The following DCC variants were observed in gnomAD, a reference collection of about 807,000 sequenced individuals.
DCC encodes DCC netrin 1 receptor, also known as netrin receptor DCC.
A neutral mutation model predicts 172.5 loss-of-function variants in DCC; 58 were observed. The observed-to-expected ratio is 0.34, with a 90% CI of 0.27 to 0.42. DCC has a LOEUF of 0.42. DCC is among the 10% of genes least tolerant of loss of function. The probability of loss-of-function intolerance (pLI) is 1.00; values close to 1 mark genes in which losing one functional copy is unlikely to be tolerated. For missense variants in DCC, 1,740 were observed against 1,791.0 expected (o/e 0.97, Z 0.51); for synonymous variants, 709 against 644.5 (o/e 1.10, Z -1.52).
At chr18:52,796,835 A>G (rs1330331632) in intron 2 of DCC, among the ~76,000 whole-genome samples, 1 of 152,164 alleles carries the variant, frequency 6.6e-6, no homozygotes, top group Non-Finnish European at 1.5e-5. Flanking sequence ...TTTGAGCTTC[A>G]TCTATCTAGA....
intron 1 of DCC, among the ~76,000 whole-genome samples, chr18:52,642,333 G>A (rs1482549785): frequency 1.3e-5 from 2 of 151,686 alleles, no homozygotes; most frequent in Admixed American, 6.6e-5. Context: ...AAGAGTGGGA[G>A]GGGGGCAAGG....
chr18:52,599,592 G>A (rs2033976687), intron 1 of DCC, among the ~76,000 whole-genome samples: 1 of 151,804 alleles, frequency 6.6e-6, no homozygotes, highest in Non-Finnish European at 1.5e-5. Flanking sequence ...TCTGCTCACT[G>A]CAACCTCTGC....
chr18:53,400,565 G>C (rs1232757970), intron 18 of DCC, among the ~76,000 whole-genome samples: 1 of 152,110 alleles, frequency 6.6e-6, no homozygotes, highest in Non-Finnish European at 1.5e-5. Flanking sequence ...GCTCGACTTA[G>C]TAGGGATTAT....
At chr18:52,540,377 T>C (rs1322678119) in intron 1 of DCC, among the ~76,000 whole-genome samples, 1 of 152,054 alleles carries the variant, frequency 6.6e-6, no homozygotes, top group Non-Finnish European at 1.5e-5. Context: ...CAGTGAGCTA[T>C]GATGGCATCA....
chr18:53,092,458 A>G (rs541467866), intron 7 of DCC, among the ~76,000 whole-genome samples: 115 of 152,228 alleles, frequency 7.6e-4, no homozygotes, highest in Non-Finnish European at 8.2e-4. Context: ...TTTATAAAGC[A>G]AGCACTCCAT....
At chr18:53,182,901 T>A (rs2055217886) in intron 9 of DCC, among the ~76,000 whole-genome samples, 1 of 152,170 alleles carries the variant, frequency 6.6e-6, no homozygotes, top group Non-Finnish European at 1.5e-5. Flanking sequence ...GTTTTATGAC[T>A]TCGCTAGACT....
At chr18:52,989,012 C>G (rs2041339157) in intron 5 of DCC, among the ~76,000 whole-genome samples, 1 of 151,652 alleles carries the variant, frequency 6.6e-6, no homozygotes, top group Admixed American at 6.6e-5. Flanking sequence ...TCAAAAGATA[C>G]ATAACAGAGA....
At chr18:52,897,646 T>A (rs1439583803) in intron 2 of DCC, among the ~76,000 whole-genome samples, 1 of 152,208 alleles carries the variant, frequency 6.6e-6, no homozygotes, top group African/African-American at 2.4e-5. Flanking sequence ...CTATACTGTT[T>A]TTCTTTCCCT....
At chr18:53,372,278 A>G (rs545821452) in intron 15 of DCC, among the ~76,000 whole-genome samples, 1 of 152,228 alleles carries the variant, frequency 6.6e-6, no homozygotes, top group Admixed American at 6.5e-5. Flanking sequence ...GTGGAATACT[A>G]TGCAGCCATA....
intron 6 of DCC, among the ~76,000 whole-genome samples, chr18:53,063,811 C>G (rs189962783): frequency 2.0e-5 from 3 of 152,258 alleles, no homozygotes; most frequent in Admixed American, 1.3e-4. Flanking sequence ...GCCAAGAATC[C>G]CTTACTTCTT....
Position 53,386,030 on chromosome 18 carries a change from GT to G in DCC, c.2360-7del. ...ATATCAACACGTTCATATTGTTTCT[GT>G]TTTTTCTCCAGAGTCAAGTTCCCAT... On this transcript the variant is annotated splice_polypyrimidine_tract_variant and intron_variant, in intron 15 of 28. Coordinates refer to ENST00000442544, the MANE Select transcript of DCC (RefSeq NM_005215.4). The G allele has an allele frequency of 6.4e-7, 1 of 1,556,752 alleles. No homozygotes were observed. The highest frequency in any genetic ancestry group is 8.9e-7 in the Non-Finnish European group (1 of 1,127,890).
chr18:53,298,717 C>T (rs1375764298), intron 12 of DCC, among the ~76,000 whole-genome samples: 1 of 151,818 alleles, frequency 6.6e-6, no homozygotes, highest in East Asian at 1.9e-4. Flanking sequence ...CAGAAGGTGG[C>T]CCTCCTTGAT....
intron 2 of DCC, among the ~76,000 whole-genome samples, chr18:52,791,743 G>A (rs2037775786): frequency 6.6e-6 from 1 of 152,110 alleles, no homozygotes; most frequent in Admixed American, 6.5e-5. Flanking sequence ...TGGAGGAAGT[G>A]TGCTGATTTG....
At chr18:53,386,243 C>CATTATCCTCTGATAATCCTCAGAGAATA in intron 16 of DCC, 105 bp downstream of exon 16, 1 of 754,840 alleles carries the variant, frequency 1.3e-6, no homozygotes, top group Non-Finnish European at 2.3e-6. Context: ...TATATCCTAT[C>CATTATCCTCTGATAATCCTCAGAGAATA]ATTATCCTCT....
At chr18:52,585,412 A>C (rs1369936611) in intron 1 of DCC, among the ~76,000 whole-genome samples, 1 of 152,256 alleles carries the variant, frequency 6.6e-6, no homozygotes, top group African/African-American at 2.4e-5. Context: ...TTTAGGAGCA[A>C]GTTGAAATAG....
At chr18:53,523,486 T>C (rs1213773805) in intron 27 of DCC, among the ~76,000 whole-genome samples, 1 of 152,106 alleles carries the variant, frequency 6.6e-6, no homozygotes, top group African/African-American at 2.4e-5. Context: ...CTATTCACAA[T>C]AGCAAAGACT....
intron 2 of DCC, among the ~76,000 whole-genome samples, chr18:52,840,930 A>G (rs1465108424): frequency 6.6e-6 from 1 of 150,770 alleles, no homozygotes; most frequent in Non-Finnish European, 1.5e-5. Flanking sequence ...ACATAAATAA[A>G]CCTGCTACCT....
chr18:52,390,651 C>T (rs775198141), intron 1 of DCC, among the ~76,000 whole-genome samples: 3 of 151,914 alleles, frequency 2.0e-5, no homozygotes, highest in Non-Finnish European at 4.4e-5. Flanking sequence ...TGGTGGAGTT[C>T]GCAGGTCTCC....
intron 1 of DCC, among the ~76,000 whole-genome samples, chr18:52,666,301 G>GA (rs948371314): frequency 4.0e-5 from 6 of 151,026 alleles, no homozygotes; most frequent in Non-Finnish European, 8.9e-5. Context: ...TACAAAAAAA[G>GA]AAAAAAAAGA....
Sources: allele counts gnomAD v4.1 joint callset (sites outside exome capture counted in the v4.1 genomes callset), GRCh38; gene constraint gnomAD v4.1.1; transcripts MANE v1.5; gene names NCBI Gene and HGNC (gene_info 2026-07-23, HGNC 2026-07-21).